The following CDC27 variants were observed in gnomAD, a reference collection of about 807,000 sequenced individuals.
CDC27 encodes cell division cycle 27.
A neutral mutation model predicts 109.7 loss-of-function variants in CDC27; 27 were observed. The ratio of observed to expected loss-of-function variants is 0.25; its 90% CI spans 0.18 to 0.34. CDC27 has a LOEUF of 0.34. CDC27 is among the 10% of genes least tolerant of loss of function. The pLI is 1.00. For missense variants in CDC27, 579 were observed against 960.2 expected (o/e 0.60, Z 5.25); for synonymous variants, 266 against 333.9 (o/e 0.80, Z 2.22).
Position 47,172,057 on chromosome 17 carries a change from T to C in CDC27, c.111A>G (p.Ser37=). Residue 37 remains serine (S), a synonymous_variant, in exon 3 of 19, where the codon TCA becomes TCG. Coordinates refer to ENST00000066544, the MANE Select transcript of CDC27 (RefSeq NM_001256.6). ...TTGCCAGTAAAAACAAGGCTTCTTC[T>C]GAGTGTACTAAAAACAGACATTTTT... ...LAERLYAEVH[S]EEALFLLATC... is the part of the protein sequence containing the mutation. 1.3e-6 allele frequency: 2 copies of C among 1,569,162 alleles called. No individual in the cohort carries two copies. Among genetic ancestry groups the C allele is most frequent in the East Asian group, 4.6e-5 (2 of 43,274 alleles).
At chr17:47,182,955 G>A (rs2064301054) in intron 1 of CDC27, among the ~76,000 whole-genome samples, 1 of 151,878 alleles carries the variant, frequency 6.6e-6, no homozygotes, top group African/African-American at 2.4e-5. Flanking sequence ...GAGTCCAGGA[G>A]TTCAAGGCTA....
intron 15 of CDC27, among the ~76,000 whole-genome samples, chr17:47,130,922 A>G (rs2062309313): frequency 6.6e-6 from 1 of 152,010 alleles, no homozygotes; most frequent in South Asian, 2.1e-4. Context: ...GAATGAATGT[A>G]TGAATGTGGC....
At position 47,118,561 on chromosome 17, in the gene CDC27, A is replaced by G. The variant is rs11570586; in HGVS notation, c.*2374T>C. The G allele has an allele frequency of 1.6e-3, 238 of 152,774 alleles. 1 individual carries two copies. The highest frequency in any genetic ancestry group is 5.4e-3 in the African/African-American group (223 of 41,586). The allele number at this position is 152,774 out of a possible 1,614,324, so 9.5% of individuals were successfully genotyped here. ...TTTTGCCATAAAAGTCATGGCAAAA[A>G]CCACAATTACTTATGCACCAACCTA... On this transcript the variant is annotated 3_prime_UTR_variant, in exon 19 of 19. Transcript: ENST00000066544.
chr17:47,166,763 T>C (rs1041708637), intron 4 of CDC27, among the ~76,000 whole-genome samples: 7 of 152,206 alleles, frequency 4.6e-5, no homozygotes, highest in Admixed American at 4.6e-4. Flanking sequence ...AACATCATAG[T>C]TTTTAATATG....
chr17:47,153,228 A>G (rs1246377067), intron 8 of CDC27, among the ~76,000 whole-genome samples: 1 of 152,224 alleles, frequency 6.6e-6, no homozygotes, highest in Non-Finnish European at 1.5e-5. Flanking sequence ...AATGTCTTGT[A>G]ATAAGGTAAG....
intron 14 of CDC27, among the ~76,000 whole-genome samples, chr17:47,133,024 T>TACACACAC (rs1218545090): frequency 2.1e-4 from 10 of 47,494 alleles, no homozygotes; most frequent in East Asian, 1.9e-3. Context: ...TATATATATA[T>TACACACAC]ATATACACAC....
At chr17:47,178,593 T>C (rs1160846063) in intron 2 of CDC27, among the ~76,000 whole-genome samples, 1 of 150,042 alleles carries the variant, frequency 6.7e-6, no homozygotes, top group East Asian at 1.9e-4. Context: ...TGTATTAGGA[T>C]ATGTTAGGGG....
chr17:47,151,800 A>G lies in CDC27; in HGVS notation c.1070+6T>C. The G allele has an allele frequency of 6.4e-7, 1 of 1,572,758 alleles. No homozygotes were observed. Among genetic ancestry groups the G allele is most frequent in the Non-Finnish European group, 8.6e-7 (1 of 1,160,734 alleles). On this transcript the variant is annotated splice_donor_region_variant and intron_variant, in intron 9 of 18. Transcript: ENST00000066544. ...AGAAAAGTTGAATAATTACAATGAT[A>G]AATACCTTGTTTGTGGACCAGAACT...
At chr17:47,136,945 T>TA (rs1169010148) in intron 14 of CDC27, among the ~76,000 whole-genome samples, 3 of 152,252 alleles carry the variant, frequency 2.0e-5, no homozygotes, top group African/African-American at 7.2e-5. Flanking sequence ...AAGGATCTGG[T>TA]ATTCTATTAT....
At chr17:47,187,701 G>C (rs1216431538) in intron 1 of CDC27, among the ~76,000 whole-genome samples, 1 of 147,536 alleles carries the variant, frequency 6.8e-6, no homozygotes, top group Non-Finnish European at 1.5e-5. Flanking sequence ...GGCCAGAGAA[G>C]GCAAAAAAAA....
Position 47,179,655 on chromosome 17 carries a change from A to G in CDC27, c.103+1907T>C, listed in dbSNP as rs933343799. On this transcript the variant is annotated intron_variant, in intron 2 of 18. Coordinates refer to ENST00000066544, the MANE Select transcript of CDC27 (RefSeq NM_001256.6). ...GTTATTATTACTGAGCCAGGATAGTATCTGCTCTTACTACACTTAATTCTA... is the reference window on the plus strand; with the variant it reads ...GTTATTATTACTGAGCCAGGATAGTGTCTGCTCTTACTACACTTAATTCTA... Among the ~76,000 whole-genome samples, 4 of 152,230 alleles carry G rather than the reference A, an allele frequency of 2.6e-5. No homozygotes were observed. In the East Asian group the frequency reaches 7.7e-4, roughly 29 times the overall value.
intron 9 of CDC27, among the ~76,000 whole-genome samples, chr17:47,151,337 T>C (rs1405026083): frequency 2.0e-5 from 3 of 152,200 alleles, no homozygotes; most frequent in Admixed American, 6.5e-5. Context: ...AGAAAGAAAA[T>C]TGTATCTTCC....
At chr17:47,178,082 T>A (rs913696823) in intron 2 of CDC27, among the ~76,000 whole-genome samples, 1 of 152,130 alleles carries the variant, frequency 6.6e-6, no homozygotes, top group African/African-American at 2.4e-5. Context: ...GGGAATTTAT[T>A]GGAGGGAGAT....
intron 16 of CDC27, among the ~76,000 whole-genome samples, chr17:47,128,028 ATTTC>A (rs768141617): frequency 2.0e-5 from 3 of 150,666 alleles, no homozygotes; most frequent in Non-Finnish European, 3.0e-5. Context: ...GGTTTGGTAT[ATTTC>A]TTTCTATTTT....
At chr17:47,158,383 T>A in intron 4 of CDC27, 80 bp from the exon 5 acceptor site, 1 of 597,150 alleles carries the variant, frequency 1.7e-6, no homozygotes, top group Non-Finnish European at 2.6e-6. Flanking sequence ...AAAAATTAGG[T>A]AAAAGTTACA....
At chr17:47,122,726 T>C (rs2062015381) in intron 17 of CDC27, 126 bp from the exon 18 acceptor site, 2 of 620,674 alleles carry the variant, frequency 3.2e-6, no homozygotes, top group South Asian at 5.3e-5. Context: ...CAGGCTAGAG[T>C]GCAATGGCAC....
At chr17:47,131,388 A>G (rs1416553393) in intron 15 of CDC27, among the ~76,000 whole-genome samples, 1 of 152,186 alleles carries the variant, frequency 6.6e-6, no homozygotes, top group Non-Finnish European at 1.5e-5. Context: ...GAAAATTATC[A>G]TGGTCAATGT....
At chr17:47,158,170 T>C (rs913713966) in intron 5 of CDC27, 36 bp downstream of exon 5, 3 of 907,792 alleles carry the variant, frequency 3.3e-6, no homozygotes, top group Non-Finnish European at 4.9e-6. Context: ...GAAGAGGAGA[T>C]GGGAACCCAC....
At chr17:47,123,402 CTTTTTTT>C (rs57868315) in intron 17 of CDC27, among the ~76,000 whole-genome samples, 5 of 122,998 alleles carry the variant, frequency 4.1e-5, no homozygotes, top group South Asian at 2.6e-4. Context: ...TTTTTTTCTA[CTTTTTTT>C]TTTTTTTTTT....
Sources: gnomAD v4.1 joint callset for allele counts (sites outside exome capture counted in the v4.1 genomes callset) on GRCh38, gnomAD v4.1.1 for gene constraint, MANE v1.5 for transcripts, NCBI Gene and HGNC (gene_info 2026-07-23, HGNC 2026-07-21) for gene names.